Variants in UNC5D observed in about 807,000 individuals in gnomAD.
UNC5D encodes netrin receptor UNC5D.
A neutral mutation model predicts 105.4 loss-of-function variants in UNC5D; 39 were observed. That is an observed-to-expected ratio of 0.37 (90% CI 0.29 to 0.48). The LOEUF is 0.48. Among genes scored for constraint, UNC5D ranks in the 20% least tolerant of loss-of-function variants. The probability of loss-of-function intolerance (pLI) is 0.98; values close to 1 mark genes in which losing one functional copy is unlikely to be tolerated. For synonymous variants in UNC5D, 452 were observed against 450.4 expected (o/e 1.00, Z -0.04); for missense variants, 991 against 1,202.4 (o/e 0.82, Z 2.60).
chr8:35,756,018 A>G (rs140068807), intron 13 of UNC5D, among the ~76,000 whole-genome samples: 188 of 152,280 alleles, frequency 1.2e-3, no homozygotes, highest in African/African-American at 4.2e-3. Flanking sequence ...GGCTCAGGGA[A>G]CTATGTGTTA....
chr8:35,775,491 T>C (rs1260382490), intron 16 of UNC5D, among the ~76,000 whole-genome samples: 3 of 151,778 alleles, frequency 2.0e-5, no homozygotes, highest in African/African-American at 7.3e-5. Context: ...ACAGCATCCC[T>C]GCCCTGAAAA....
intron 1 of UNC5D, among the ~76,000 whole-genome samples, chr8:35,489,675 G>A (rs1367376750): frequency 6.6e-6 from 1 of 152,162 alleles, no homozygotes; most frequent in African/African-American, 2.4e-5. Context: ...ATCATGTTAT[G>A]TCAGCCCTAG....
chr8:35,467,314 A>G (rs541599748), intron 1 of UNC5D, among the ~76,000 whole-genome samples: 1 of 152,160 alleles, frequency 6.6e-6, no homozygotes, highest in Non-Finnish European at 1.5e-5. Flanking sequence ...TGCTGAATTC[A>G]TCATGGAACT....
chr8:35,623,212 A>G (rs1331080374), intron 4 of UNC5D, among the ~76,000 whole-genome samples: 1 of 152,040 alleles, frequency 6.6e-6, no homozygotes. Flanking sequence ...CTATCAGACC[A>G]TTCCCATACC....
At chr8:35,315,136 T>TATATA (rs1263910600) in intron 1 of UNC5D, among the ~76,000 whole-genome samples, 5 of 152,196 alleles carry the variant, frequency 3.3e-5, no homozygotes, top group Admixed American at 2.6e-4. Context: ...ACAGCTTATA[T>TATATA]TCATATATAT....
intron 16 of UNC5D, among the ~76,000 whole-genome samples, chr8:35,788,652 C>A (rs1279928595): frequency 6.6e-6 from 1 of 151,742 alleles, no homozygotes; most frequent in African/African-American, 2.4e-5. Flanking sequence ...ATGATCCTTA[C>A]CCTTCAGGTG....
chr8:35,721,607 A>G (rs1828587836), intron 8 of UNC5D: 1 of 674,834 alleles, frequency 1.5e-6, no homozygotes, highest in South Asian at 1.6e-5. Flanking sequence ...TTCATATCCC[A>G]CAATAAAATT....
intron 4 of UNC5D, among the ~76,000 whole-genome samples, chr8:35,673,715 A>C (rs1199225587): frequency 6.6e-6 from 1 of 152,222 alleles, no homozygotes; most frequent in Non-Finnish European, 1.5e-5. Context: ...TCATGATCAC[A>C]AGATGGCTGC....
intron 1 of UNC5D, among the ~76,000 whole-genome samples, chr8:35,345,491 T>C (rs2128905793): frequency 6.6e-6 from 1 of 152,118 alleles, no homozygotes; most frequent in East Asian, 1.9e-4. Flanking sequence ...GAATAACACA[T>C]TTCTGTTAGT....
At chr8:35,261,624 G>T (rs978923733) in intron 1 of UNC5D, among the ~76,000 whole-genome samples, 1 of 150,018 alleles carries the variant, frequency 6.7e-6, no homozygotes, top group Non-Finnish European at 1.5e-5. Context: ...GAAATGATTT[G>T]TGTGTGTAGG....
intron 1 of UNC5D, among the ~76,000 whole-genome samples, chr8:35,357,501 C>G (rs1421773206): frequency 6.6e-6 from 1 of 152,154 alleles, no homozygotes; most frequent in East Asian, 1.9e-4. Flanking sequence ...GGGGCCTTCC[C>G]TGACCCACCG....
intron 1 of UNC5D, among the ~76,000 whole-genome samples, chr8:35,511,731 A>G (rs566970712): frequency 2.6e-4 from 35 of 136,854 alleles, no homozygotes; most frequent in South Asian, 9.4e-4. Flanking sequence ...CTGATGAGCT[A>G]AAAAAAAAAT....
intron 1 of UNC5D, among the ~76,000 whole-genome samples, chr8:35,285,520 C>A (rs1427893457): frequency 6.6e-6 from 1 of 152,132 alleles, no homozygotes; most frequent in Non-Finnish European, 1.5e-5. Context: ...TCCAAGTAAG[C>A]TTTCTGGGTA....
intron 1 of UNC5D, among the ~76,000 whole-genome samples, chr8:35,339,271 A>T (rs2128900354): frequency 6.6e-6 from 1 of 152,296 alleles, no homozygotes; most frequent in Non-Finnish European, 1.5e-5. Flanking sequence ...TATTTTCCCC[A>T]TAGCAACCAA....
intron 1 of UNC5D, among the ~76,000 whole-genome samples, chr8:35,373,402 C>T (rs1802530243): frequency 6.6e-6 from 1 of 152,172 alleles, no homozygotes; most frequent in Non-Finnish European, 1.5e-5. Context: ...ATACATGTAG[C>T]AATAAAGCAT....
chr8:35,353,044 T>C (rs1812352778), intron 1 of UNC5D, among the ~76,000 whole-genome samples: 1 of 152,118 alleles, frequency 6.6e-6, no homozygotes, highest in Non-Finnish European at 1.5e-5. Flanking sequence ...GTAGAAGCCA[T>C]TGAAGTAAAG....
At chr8:35,587,965 A>ATAT (rs141049814) in intron 3 of UNC5D, among the ~76,000 whole-genome samples, 6 of 105,094 alleles carry the variant, frequency 5.7e-5, no homozygotes, top group South Asian at 7.9e-4. Flanking sequence ...TAACTATAAT[A>ATAT]ATATATATAT....
rs1357787658 is a variant in UNC5D, at chr8:35,639,619, C to T, written c.571-43928C>T. Among the ~76,000 whole-genome samples the T allele has an allele frequency of 2.6e-5, 4 of 152,040 alleles. No homozygotes were observed. The East Asian group carries it at 7.7e-4, about 29-fold the overall frequency. The stretch of plus-strand genomic sequence containing the variant: ...CTAATATCTGAAAGCCAATTAATAA[C>T]TATAAACACATATTACCTTAATTTT... On this transcript the variant is annotated intron_variant, in intron 4 of 16. Coordinates refer to ENST00000404895, the MANE Select transcript of UNC5D (RefSeq NM_080872.4).
At chr8:35,758,431 T>C (rs530238387) in intron 13 of UNC5D, among the ~76,000 whole-genome samples, 1 of 149,258 alleles carries the variant, frequency 6.7e-6, no homozygotes, top group Non-Finnish European at 1.5e-5. Flanking sequence ...GGAAATAATA[T>C]ATCAATTAAT....
Sources: gnomAD v4.1 joint callset for allele counts (sites outside exome capture counted in the v4.1 genomes callset) on GRCh38, gnomAD v4.1.1 for gene constraint, MANE v1.5 for transcripts, NCBI Gene and HGNC (gene_info 2026-07-23, HGNC 2026-07-21) for gene names.